The following GBP4 variants were observed in gnomAD, a reference collection of about 807,000 sequenced individuals.
GBP4 encodes the protein guanylate binding protein 4.
Under a neutral mutation model 62.2 loss-of-function variants are expected in GBP4, and 69 were observed. The ratio of observed to expected loss-of-function variants is 1.11; its 90% CI spans 0.91 to 1.36. The LOEUF (loss-of-function observed/expected upper bound fraction) is 1.36. Ranked by LOEUF, GBP4 falls within the 40% of genes most tolerant of loss-of-function variation. The pLI is 0.00. For synonymous variants in GBP4, 278 were observed against 274.6 expected (o/e 1.01, Z -0.12); for missense variants, 697 against 759.3 (o/e 0.92, Z 0.96).
chr1:89,187,797 A>T (rs2100674261), intron 8 of GBP4, among the ~76,000 whole-genome samples: 1 of 152,360 alleles, frequency 6.6e-6, no homozygotes, highest in East Asian at 1.9e-4. Flanking sequence ...TTTATCTCAC[A>T]CATTTTAGAA....
Position 89,185,489 on chromosome 1 carries a change from C to A in GBP4, c.1708-20G>T. 1 of 1,325,214 alleles carries A rather than the reference C, an allele frequency of 7.5e-7. No homozygotes were observed. Among genetic ancestry groups the A allele is most frequent in the South Asian group, 1.3e-5 (1 of 79,692 alleles). The allele number at this position is 1,325,214 out of a possible 1,614,324, so 82.1% of individuals were successfully genotyped here. Reference sequence around the variant, plus strand: ...TTGTACCTATAAAAGGGAAATAGTCCACTTTTGAAAATCTCCAATTTTCTT... The same window carrying A: ...TTGTACCTATAAAAGGGAAATAGTCAACTTTTGAAAATCTCCAATTTTCTT... On this transcript the variant is annotated intron_variant, in intron 10 of 10. Transcript: ENST00000355754.
chr1:89,188,843 A>T (rs1217417189), intron 7 of GBP4, 49 bp from the exon 8 acceptor site: 2 of 1,590,162 alleles, frequency 1.3e-6, no homozygotes, highest in Non-Finnish European at 1.7e-6. Flanking sequence ...GTTAGAAGGG[A>T]AGGTCCAACT....
Position 89,186,360 on chromosome 1 carries a change from A to G in GBP4, c.1680T>C (p.His560=). ...EEERENLLRE[H]ERLLKHKLKV... ...TCAGCTTGTGTTTTAGCAGCCTTTC[A>G]TGCTCTCTGAGAAGGTTTTCCCTTT... is the stretch of plus-strand genomic sequence containing the variant. Residue 560 remains histidine (H), a synonymous_variant, in exon 10 of 11, where the codon CAT becomes CAC. Transcript: ENST00000355754. The G allele has an allele frequency of 1.2e-6, 2 of 1,612,822 alleles. No individual in the cohort carries two copies. The highest frequency in any genetic ancestry group is 1.7e-6 in the Non-Finnish European group (2 of 1,178,990).
chr1:89,184,054 C>A lies in GBP4; in HGVS notation c.*1200G>T, dbSNP rs370833044. ...GCAACCCCATTAAAAAGAAAGTGGG[C>A]AAAGAACATGAACACATTTCAAAAG... On this transcript the variant is annotated 3_prime_UTR_variant, in exon 11 of 11. Transcript: ENST00000355754. 4.6e-5 allele frequency: 7 copies of A among 152,004 alleles called. No individual in the cohort carries two copies. Among genetic ancestry groups the A allele is most frequent in the Non-Finnish European group, 1.0e-4 (7 of 68,006 alleles). The allele number at this position is 152,004 out of a possible 1,614,324, so 9.4% of individuals were successfully genotyped here. A position where few individuals can be genotyped will look rare whatever the true frequency, so the allele number is the denominator to read the frequency against.
chr1:89,188,153 GA>G (rs1385833214), intron 8 of GBP4, among the ~76,000 whole-genome samples: 1 of 98,192 alleles, frequency 1.0e-5, no homozygotes, highest in Non-Finnish European at 2.1e-5. Context: ...TATAGGAAGT[GA>G]ATCATCAAGA....
chr1:89,189,938 T>C, intron 7 of GBP4, 100 bp downstream of exon 7: 1 of 1,155,580 alleles, frequency 8.7e-7, no homozygotes, highest in South Asian at 1.6e-5. Flanking sequence ...AACCATGGTC[T>C]TTCCACAGTG....
At chr1:89,186,918 T>C in intron 9 of GBP4, 82 bp downstream of exon 9, 3 of 1,279,584 alleles carry the variant, frequency 2.3e-6, no homozygotes, top group Non-Finnish European at 3.4e-6. Flanking sequence ...TCCTTTTAAC[T>C]GGAATATCTT....
intron 6 of GBP4, 84 bp downstream of exon 6, chr1:89,191,177 T>C: frequency 6.8e-7 from 1 of 1,465,210 alleles, no homozygotes; most frequent in South Asian, 1.3e-5. Flanking sequence ...AAGCAAACAA[T>C]ATTATTGAAA....
rs1323266221 is a variant in GBP4 at position 89,192,897 on chromosome 1, C to T, written c.670+7G>A. 4.3e-6 allele frequency: 7 copies of T among 1,612,826 alleles called. No individual in the cohort carries two copies. The highest frequency in any genetic ancestry group is 5.9e-6 in the Non-Finnish European group (7 of 1,179,048). ...AACCTTCCCACATCCAGGCCATGCT[C>T]TGATACCTGGAATCAGCTTCAAGGC... is the stretch of plus-strand genomic sequence containing the variant. On this transcript the variant is annotated splice_region_variant and intron_variant, in intron 5 of 10. Transcript: ENST00000355754.
intron 5 of GBP4, 30 bp downstream of exon 5, chr1:89,192,874 C>T: frequency 1.9e-6 from 3 of 1,603,516 alleles, no homozygotes; most frequent in Non-Finnish European, 2.6e-6. Flanking sequence ...CCCCACTGAA[C>T]CTTCCCACAT....
chr1:89,186,430 C>G lies in GBP4; in HGVS notation c.1610G>C (p.Ser537Thr), dbSNP rs190249684. Residue 537 changes from serine (S) to threonine (T), a missense_variant, in exon 10 of 11, where the codon AGC becomes ACC. Coordinates refer to ENST00000355754, the MANE Select transcript of GBP4 (RefSeq NM_052941.5). ...QQQMMEAQER[S>T]FQEYMAQMEK... Reference sequence around the variant, plus strand: ...CATTTGGGCCATGTATTCCTGGAAGCTTCTCTCTTGAGCCTCCATCATTTG... The same window carrying G: ...CATTTGGGCCATGTATTCCTGGAAGGTTCTCTCTTGAGCCTCCATCATTTG... 3.7e-5 allele frequency: 59 copies of G among 1,586,480 alleles called. No homozygotes were observed. In the Admixed American group the frequency reaches 8.0e-4, roughly 22 times the overall value.
At chr1:89,195,490 C>A in intron 2 of GBP4, 66 bp from the exon 3 acceptor site, 1 of 1,575,048 alleles carries the variant, frequency 6.3e-7, no homozygotes, top group Non-Finnish European at 8.7e-7. Flanking sequence ...AGGATTACAC[C>A]GGTTAAACTT....
chr1:89,189,809 G>A (rs758071390), intron 7 of GBP4, among the ~76,000 whole-genome samples: 1 of 152,128 alleles, frequency 6.6e-6, no homozygotes, highest in Non-Finnish European at 1.5e-5. Flanking sequence ...AGCTAATAAC[G>A]TGTGTTGTTT....
At chr1:89,198,603 C>T (rs1648411044) in intron 1 of GBP4, 192 bp downstream of exon 1, 2 of 605,742 alleles carry the variant, frequency 3.3e-6, no homozygotes, top group Non-Finnish European at 6.0e-6. Flanking sequence ...TCTAGAGACG[C>T]TGGGCCACAC....
chr1:89,193,535 T>G (rs1648246263), intron 3 of GBP4, 123 bp from the exon 4 acceptor site: 1 of 769,882 alleles, frequency 1.3e-6, no homozygotes, highest in Non-Finnish European at 2.1e-6. Flanking sequence ...TAACAAATTT[T>G]GAAGCCAATG....
intron 2 of GBP4, 142 bp downstream of exon 2, chr1:89,196,968 T>C (rs191207143): frequency 3.5e-6 from 2 of 578,392 alleles, no homozygotes; most frequent in East Asian, 2.9e-5. Context: ...ATATTTGAGA[T>C]TGTAAATTTA....
At chr1:89,197,378 A>G (rs1648376465) in intron 1 of GBP4, 74 bp from the exon 2 acceptor site, 3 of 1,196,278 alleles carry the variant, frequency 2.5e-6, no homozygotes, top group Non-Finnish European at 2.3e-6. Flanking sequence ...TAAGGCACAT[A>G]CATATTAGCT....
In GBP4 at chr1:89,190,444, C is replaced by A. The variant is rs543748146; in HGVS notation, c.917-126G>T. ...TGAAGTTTCTTATCACTCCTTTATT[C>A]TCTTCCTCCTCCTTTTTCATCTTCC... On this transcript the variant is annotated intron_variant, in intron 6 of 10. Coordinates refer to ENST00000355754, the MANE Select transcript of GBP4 (RefSeq NM_052941.5). The A allele has an allele frequency of 7.0e-4, 462 of 662,886 alleles. 3 individuals are homozygous for A. Among genetic ancestry groups the A allele is most frequent in the South Asian group, 6.8e-3 (210 of 30,820 alleles). 41.1% of individuals were successfully genotyped at this position (662,886 alleles called of 1,614,324 possible).
At chr1:89,189,071 A>C (rs1188655320) in intron 7 of GBP4, among the ~76,000 whole-genome samples, 3 of 152,200 alleles carry the variant, frequency 2.0e-5, no homozygotes, top group Admixed American at 6.5e-5. Flanking sequence ...ATTAATAGGG[A>C]TCCAACCTCC....
Sources: gnomAD v4.1 joint callset for allele counts (sites outside exome capture counted in the v4.1 genomes callset) on GRCh38, gnomAD v4.1.1 for gene constraint, MANE v1.5 for transcripts, NCBI Gene and HGNC (gene_info 2026-07-23, HGNC 2026-07-21) for gene names.